Variants in SOX5 observed in about 807,000 individuals in gnomAD.
The protein encoded by SOX5 is SRY-box transcription factor 5, also known as transcription factor SOX-5.
SOX5 carries 9 observed loss-of-function variants against 92.0 expected under a neutral mutation model. That is an observed-to-expected ratio of 0.10 (90% CI 0.06 to 0.17). The LOEUF (loss-of-function observed/expected upper bound fraction) is 0.17. Among genes scored for constraint, SOX5 ranks in the 10% least tolerant of loss-of-function variants. The pLI is 1.00. For missense variants in SOX5, 642 were observed against 944.5 expected (o/e 0.68, Z 4.20); for synonymous variants, 344 against 336.3 (o/e 1.02, Z -0.25).
intron 6 of SOX5, among the ~76,000 whole-genome samples, chr12:23,667,678 GT>G (rs1430019456): frequency 2.0e-5 from 3 of 152,128 alleles, no homozygotes; most frequent in Non-Finnish European, 4.4e-5. Flanking sequence ...GTGAGGGGAA[GT>G]AGGAGATAAA....
intron 4 of SOX5, among the ~76,000 whole-genome samples, chr12:24,056,056 G>C (rs764639476): frequency 6.6e-5 from 10 of 152,026 alleles, no homozygotes; most frequent in African/African-American, 2.4e-4. Flanking sequence ...TTTAAACATC[G>C]TTGTGCCATG....
intron 4 of SOX5, among the ~76,000 whole-genome samples, chr12:24,029,880 G>T (rs529198420): frequency 4.6e-5 from 7 of 152,092 alleles, no homozygotes; most frequent in Admixed American, 4.6e-4. Flanking sequence ...TATGTGTAAT[G>T]CAAGAGTAAA....
At chr12:23,866,381 A>G (rs2096814288) in intron 2 of SOX5, among the ~76,000 whole-genome samples, 4 of 152,190 alleles carry the variant, frequency 2.6e-5, no homozygotes, top group Admixed American at 2.6e-4. Flanking sequence ...GAACAAGTAG[A>G]TGTTAGTAAT....
chr12:24,133,372 G>C (rs191368308), intron 4 of SOX5, among the ~76,000 whole-genome samples: 15 of 152,300 alleles, frequency 9.8e-5, no homozygotes, highest in Middle Eastern at 3.4e-3. Context: ...AAATAACCTG[G>C]AACATCCTCT....
intron 1 of SOX5, among the ~76,000 whole-genome samples, chr12:24,397,000 A>G (rs1402147912): frequency 6.6e-6 from 1 of 152,234 alleles, no homozygotes; most frequent in Non-Finnish European, 1.5e-5. Context: ...GAAACTTACT[A>G]TTTGTAAAGA....
chr12:24,120,160 T>C (rs1948465961), intron 4 of SOX5, among the ~76,000 whole-genome samples: 1 of 152,206 alleles, frequency 6.6e-6, no homozygotes, highest in Admixed American at 6.5e-5. Context: ...AGCATATGTA[T>C]GTATTTCTGT....
chr12:24,141,110 C>T (rs1277733973), intron 4 of SOX5, among the ~76,000 whole-genome samples: 1 of 152,244 alleles, frequency 6.6e-6, no homozygotes, highest in South Asian at 2.1e-4. Context: ...CACACCTTCC[C>T]AAAACTTCAC....
At chr12:23,963,976 A>AAACC (rs1056225745) in intron 4 of SOX5, among the ~76,000 whole-genome samples, 12 of 152,012 alleles carry the variant, frequency 7.9e-5, no homozygotes, top group Non-Finnish European at 1.6e-4. Flanking sequence ...AAACCAAACT[A>AAACC]AACCAACCAA....
rs1555247668 is a variant in SOX5 at position 23,670,808 on chromosome 12, A to AACT, written c.811-5245_811-5244insAGT. On this transcript the variant is annotated intron_variant, in intron 6 of 14. Coordinates refer to ENST00000451604, the MANE Select transcript of SOX5 (RefSeq NM_006940.6). ...TTGTGAGAAATGAAAGAGCAAGCAAAACCACAGACATTAAAAAGAGTGATA... is the reference window on the plus strand; with the variant it reads ...TTGTGAGAAATGAAAGAGCAAGCAAAACTACCACAGACATTAAAAAGAGTGATA... Among the ~76,000 whole-genome samples, 9 of 151,384 alleles carry AACT rather than the reference A, an allele frequency of 5.9e-5. No homozygotes were observed. The East Asian group carries it at 1.6e-3, about 27-fold the overall frequency.
chr12:24,253,885 T>G (rs1278366841), intron 3 of SOX5, among the ~76,000 whole-genome samples: 2 of 152,150 alleles, frequency 1.3e-5, no homozygotes, highest in Non-Finnish European at 2.9e-5. Flanking sequence ...ATCCTTCAGT[T>G]CCAAAATAAT....
At chr12:24,373,049 T>C (rs1241233525) in intron 1 of SOX5, among the ~76,000 whole-genome samples, 2 of 150,188 alleles carry the variant, frequency 1.3e-5, no homozygotes, top group African/African-American at 4.9e-5. Flanking sequence ...GCCTGGGAAG[T>C]GGAGGCTGCA....
At chr12:24,030,683 T>C (rs10842261) in intron 4 of SOX5, among the ~76,000 whole-genome samples, 21,816 of 151,718 alleles carry the variant, frequency 0.14, 2,099 homozygotes, top group African/African-American at 0.28. Context: ...AAAGCAAAAA[T>C]AGACAAATGG....
At chr12:24,296,951 AC>A (rs1947338582) in intron 2 of SOX5, among the ~76,000 whole-genome samples, 1 of 151,902 alleles carries the variant, frequency 6.6e-6, no homozygotes, top group Non-Finnish European at 1.5e-5. Context: ...ACACACACAC[AC>A]ACACACACAA....
chr12:24,179,451 T>C (rs935662517), intron 4 of SOX5, among the ~76,000 whole-genome samples: 4 of 152,224 alleles, frequency 2.6e-5, no homozygotes, highest in South Asian at 2.1e-4. Flanking sequence ...CTTGAGATGA[T>C]AGGCAGTGGT....
chr12:24,162,087 T>C lies in SOX5; in HGVS notation c.-2+51256A>G, dbSNP rs74589595. 9.3e-3 allele frequency among the ~76,000 whole-genome samples: 1,411 copies of C among 152,150 alleles called. 23 individuals carry two copies. Among genetic ancestry groups the C allele is most frequent in the African/African-American group, 0.032 (1,326 of 41,552 alleles). On this transcript the variant is annotated intron_variant, in intron 4 of 4. Coordinates refer to the SOX5 transcript ENST00000446891. ...GGAAAGAGATCGGTAAAAGAGACAT[T>C]AGAAAAATCTTGAGCCTGGATTGGT...
intron 3 of SOX5, among the ~76,000 whole-genome samples, chr12:23,779,814 T>TATATATATATATATATATATATACAC (rs777013504): frequency 1.8e-5 from 2 of 110,812 alleles, no homozygotes; most frequent in African/African-American, 7.4e-5. Flanking sequence ...TATATATATA[T>TATATATATATATATATATATATACAC]ACACACACAC....
intron 11 of SOX5, among the ~76,000 whole-genome samples, chr12:23,555,181 T>C (rs1212257580): frequency 6.6e-6 from 1 of 152,210 alleles, no homozygotes; most frequent in African/African-American, 2.4e-5. Flanking sequence ...CTATGCATTA[T>C]GGAAATAATA....
chr12:23,856,657 A>G (rs78505288), intron 2 of SOX5, among the ~76,000 whole-genome samples: 2,629 of 152,226 alleles, frequency 0.017, 76 homozygotes, highest in African/African-American at 0.06. Context: ...TGCCAAAGGT[A>G]TAAGAAAATA....
chr12:24,435,314 C>T, intron 1 of SOX5, among the ~76,000 whole-genome samples: 1 of 152,186 alleles, frequency 6.6e-6, no homozygotes, highest in East Asian at 1.9e-4. Flanking sequence ...ACGGCATTAG[C>T]TGGGCCTGTA....
Sources: allele counts gnomAD v4.1 joint callset (sites outside exome capture counted in the v4.1 genomes callset), GRCh38; gene constraint gnomAD v4.1.1; transcripts MANE v1.5; gene names NCBI Gene and HGNC (gene_info 2026-07-23, HGNC 2026-07-21).